HEPHL1: variants seen among roughly 807,000 people sequenced by gnomAD.
The protein encoded by HEPHL1 is hephaestin like 1.
Under a neutral mutation model 122.0 loss-of-function variants are expected in HEPHL1, and 123 were observed. The ratio of observed to expected loss-of-function variants is 1.01; its 90% confidence interval spans 0.87 to 1.17. The LOEUF (loss-of-function observed/expected upper bound fraction) is 1.17. Ranked by LOEUF, HEPHL1 falls within the 50% of genes most tolerant of loss-of-function variation. The pLI, the probability that HEPHL1 is intolerant of heterozygous loss-of-function variation, is 0.00. For synonymous variants in HEPHL1, 527 were observed against 508.9 expected (o/e 1.04, Z -0.48); for missense variants, 1,452 against 1,430.5 (o/e 1.01, Z -0.24).
chr11:94,037,200 C>A (rs1284285046), intron 1 of HEPHL1, among the ~76,000 whole-genome samples: 1 of 152,214 alleles, frequency 6.6e-6, no homozygotes, highest in Non-Finnish European at 1.5e-5. Flanking sequence ...ATATCCCGCA[C>A]CTGGCTCAGA....
intron 12 of HEPHL1, among the ~76,000 whole-genome samples, chr11:94,092,365 A>T (rs539896470): frequency 1.3e-5 from 2 of 152,268 alleles, no homozygotes; most frequent in South Asian, 4.1e-4. Flanking sequence ...TTTAACCCCA[A>T]AATCAATTCC....
chr11:94,054,626 C>G (rs1306830608), intron 2 of HEPHL1, among the ~76,000 whole-genome samples: 1 of 152,180 alleles, frequency 6.6e-6, no homozygotes, highest in Non-Finnish European at 1.5e-5. Flanking sequence ...CTTTTACCCT[C>G]AAATCTTCAA....
chr11:94,108,197 A>T (rs1358854596), intron 17 of HEPHL1, among the ~76,000 whole-genome samples: 4 of 152,078 alleles, frequency 2.6e-5, no homozygotes. Context: ...ACCATCTGTC[A>T]TCTGTAAATC....
At chr11:94,073,713 T>C (rs142810148) in intron 8 of HEPHL1, among the ~76,000 whole-genome samples, 1 of 152,204 alleles carries the variant, frequency 6.6e-6, no homozygotes, top group East Asian at 1.9e-4. Context: ...TTCTCAGCAA[T>C]ATAGTAAATC....
intron 11 of HEPHL1, among the ~76,000 whole-genome samples, chr11:94,087,632 C>T (rs1946228713): frequency 1.3e-5 from 2 of 152,060 alleles, no homozygotes; most frequent in Admixed American, 1.3e-4. Flanking sequence ...TTAGAGGAGA[C>T]AATTCCTCAA....
intron 6 of HEPHL1, 23 bp from the exon 7 acceptor site, chr11:94,073,002 A>C (rs773860523): frequency 6.2e-7 from 1 of 1,607,942 alleles, no homozygotes; most frequent in Non-Finnish European, 8.5e-7. Flanking sequence ...AGTGTCCTCA[A>C]TCACATTCCT....
chr11:94,098,958 A>G (rs1946343997), intron 13 of HEPHL1, among the ~76,000 whole-genome samples: 1 of 152,182 alleles, frequency 6.6e-6, no homozygotes, highest in Admixed American at 6.5e-5. Flanking sequence ...ATGGGTTCGA[A>G]CATCCTCCTT....
chr11:94,094,013 T>TATATATATATATATATATATATATATAA (rs1485344204), intron 13 of HEPHL1, among the ~76,000 whole-genome samples: 1 of 121,700 alleles, frequency 8.2e-6, no homozygotes, highest in Non-Finnish European at 1.6e-5. Context: ...TATATATATA[T>TATATATATATATATATATATATATATAA]AAAACTTTAA....
chr11:94,045,251 G>T (rs1196669519), intron 1 of HEPHL1, among the ~76,000 whole-genome samples: 7 of 152,210 alleles, frequency 4.6e-5, no homozygotes, highest in African/African-American at 1.2e-4. Flanking sequence ...TGTATCTGTT[G>T]TATCAATCAT....
intron 1 of HEPHL1, among the ~76,000 whole-genome samples, chr11:94,038,098 T>A (rs1945742485): frequency 6.7e-6 from 1 of 149,262 alleles, no homozygotes; most frequent in Non-Finnish European, 1.5e-5. Flanking sequence ...GCCGATGCGA[T>A]CGACTGGAAG....
At chr11:94,063,007 C>A (rs1413653031) in intron 2 of HEPHL1, among the ~76,000 whole-genome samples, 1 of 152,152 alleles carries the variant, frequency 6.6e-6, no homozygotes. Context: ...GTATTCTAGT[C>A]TGCCCAACAG....
chr11:94,083,271 T>C lies in HEPHL1; in HGVS notation c.1867+703T>C, dbSNP rs1386616331. Among the ~76,000 whole-genome samples the C allele has an allele frequency of 2.0e-5, 3 of 152,192 alleles. No homozygotes were observed. The East Asian group carries it at 5.8e-4, about 29-fold the overall frequency. ...TAGTATGAATGATTTAATTAAGTAG[T>C]ATGAGTGACTGGTGAATGTTAATTT... On this transcript the variant is annotated intron_variant, in intron 10 of 19. Coordinates refer to ENST00000315765, the MANE Select transcript of HEPHL1 (RefSeq NM_001098672.2).
At chr11:94,043,490 C>T (rs947380906) in intron 1 of HEPHL1, among the ~76,000 whole-genome samples, 5 of 152,110 alleles carry the variant, frequency 3.3e-5, no homozygotes, top group Non-Finnish European at 7.4e-5. Flanking sequence ...CCTGCCCTAA[C>T]AACAGCTTAT....
chr11:94,090,966 AG>A (rs1358572912), intron 12 of HEPHL1, among the ~76,000 whole-genome samples: 1 of 152,218 alleles, frequency 6.6e-6, no homozygotes. Context: ...TACAATGTCC[AG>A]GGGAAGTTTA....
intron 14 of HEPHL1, among the ~76,000 whole-genome samples, chr11:94,101,866 G>T (rs936597685): frequency 6.6e-6 from 1 of 152,030 alleles, no homozygotes; most frequent in Non-Finnish European, 1.5e-5. Context: ...CTTAGTTTTA[G>T]TTACCTGAAT....
chr11:94,046,420 C>T (rs1945839228), intron 2 of HEPHL1, among the ~76,000 whole-genome samples: 3 of 150,818 alleles, frequency 2.0e-5, no homozygotes, highest in African/African-American at 4.9e-5. Flanking sequence ...TTTTCTTTCC[C>T]TTATTTCCTA....
intron 1 of HEPHL1, among the ~76,000 whole-genome samples, chr11:94,043,420 G>A (rs1945804875): frequency 6.6e-6 from 1 of 152,102 alleles, no homozygotes; most frequent in Non-Finnish European, 1.5e-5. Flanking sequence ...AATCATGGTG[G>A]CCCAGGGTAG....
intron 16 of HEPHL1, among the ~76,000 whole-genome samples, chr11:94,105,291 A>T (rs79582858): frequency 0.03 from 4,568 of 152,290 alleles, 246 homozygotes; most frequent in African/African-American, 0.1. Context: ...TCACAAAGCT[A>T]CTTGTTAATA....
chr11:94,107,182 C>T (rs578140296), intron 17 of HEPHL1, among the ~76,000 whole-genome samples: 13 of 152,258 alleles, frequency 8.5e-5, no homozygotes, highest in Admixed American at 5.9e-4. Context: ...TAGTTAGACA[C>T]GAATAAACGG....
Sources: gnomAD v4.1 joint callset for allele counts (sites outside exome capture counted in the v4.1 genomes callset) on GRCh38, gnomAD v4.1.1 for gene constraint, MANE v1.5 for transcripts, NCBI Gene and HGNC (gene_info 2026-07-23, HGNC 2026-07-21) for gene names.